Variants in ASH1L observed in about 807,000 individuals in gnomAD.
ASH1L encodes histone-lysine N-methyltransferase ASH1L.
In ASH1L, 23 loss-of-function variants were observed where a neutral mutation model predicts 269.0. The observed-to-expected ratio is 0.09, with a 90% confidence interval of 0.06 to 0.12. The LOEUF (loss-of-function observed/expected upper bound fraction) is 0.12. Ranked by LOEUF, ASH1L falls within the 10% of genes least tolerant of loss-of-function variation. The pLI is 1.00. For synonymous variants in ASH1L, 1,187 were observed against 1,253.5 expected, an observed-to-expected ratio of 0.95 and a Z score of 1.12; for missense variants, 2,912 against 3,567.8, an observed-to-expected ratio of 0.82 and a Z score of 4.68.
intron 7 of ASH1L, among the ~76,000 whole-genome samples, chr1:155,392,166 T>C (rs913774312): frequency 6.6e-6 from 1 of 152,132 alleles, no homozygotes; most frequent in Non-Finnish European, 1.5e-5. Flanking sequence ...AGGGGGTCAG[T>C]TACCTAGATA....
Position 155,499,121 on chromosome 1 carries a change from C to G in ASH1L, c.421-16672G>C, listed in dbSNP as rs192672584. Among the ~76,000 whole-genome samples the G allele has an allele frequency of 5.5e-4, 83 of 152,102 alleles. 1 individual carries two copies. Among genetic ancestry groups the G allele is most frequent in the African/African-American group, 2.0e-3 (82 of 41,492 alleles). On this transcript the variant is annotated intron_variant, in intron 2 of 27. Transcript: ENST00000392403. Reference sequence around the variant, plus strand: ...CCCAAATTCTATCCTCATTATATGGCCCTCATAGGATCAAGAGTAAGCCAA... The same window carrying G: ...CCCAAATTCTATCCTCATTATATGGGCCTCATAGGATCAAGAGTAAGCCAA...
At chr1:155,465,594 A>G (rs2148687746) in intron 3 of ASH1L, among the ~76,000 whole-genome samples, 1 of 152,328 alleles carries the variant, frequency 6.6e-6, no homozygotes, top group East Asian at 1.9e-4. Context: ...TTTTAAAATA[A>G]TTTACTTTAA....
At chr1:155,461,308 G>C (rs1314374825) in intron 3 of ASH1L, among the ~76,000 whole-genome samples, 1 of 152,150 alleles carries the variant, frequency 6.6e-6, no homozygotes, top group Non-Finnish European at 1.5e-5. Context: ...GCTGTAAATA[G>C]TCTTTTAGCA....
At chr1:155,404,219 G>A (rs1196446199) in intron 6 of ASH1L, among the ~76,000 whole-genome samples, 1 of 152,008 alleles carries the variant, frequency 6.6e-6, no homozygotes, top group Non-Finnish European at 1.5e-5. Flanking sequence ...GTCCAGTGTG[G>A]TGGCATGTAC....
chr1:155,476,334 C>A (rs560102683), intron 3 of ASH1L, among the ~76,000 whole-genome samples: 1 of 151,514 alleles, frequency 6.6e-6, no homozygotes, highest in African/African-American at 2.4e-5. Flanking sequence ...TGCAGTGAGC[C>A]GAGATTGCAC....
chr1:155,546,573 AC>A (rs961705029), intron 1 of ASH1L, among the ~76,000 whole-genome samples: 1 of 152,070 alleles, frequency 6.6e-6, no homozygotes, highest in African/African-American at 2.4e-5. Context: ...ATCCTGGCCA[AC>A]ACGGTGAAAC....
intron 6 of ASH1L, among the ~76,000 whole-genome samples, chr1:155,396,666 T>C (rs1358788060): frequency 6.6e-6 from 1 of 151,754 alleles, no homozygotes; most frequent in South Asian, 2.1e-4. Context: ...AACGAAATTA[T>C]AACATACTGA....
chr1:155,511,245 C>T (rs1187915522), intron 2 of ASH1L, among the ~76,000 whole-genome samples: 2 of 152,138 alleles, frequency 1.3e-5, no homozygotes, highest in African/African-American at 4.8e-5. Flanking sequence ...AAAGTTTATG[C>T]AAAGAAACAT....
intron 4 of ASH1L, 116 bp downstream of exon 4, chr1:155,459,681 T>C: frequency 1.3e-6 from 1 of 790,766 alleles, no homozygotes; most frequent in Non-Finnish European, 2.0e-6. Context: ...AATGGAAAAA[T>C]AAAATACCAT....
chr1:155,397,089 T>G (rs1239587396), intron 6 of ASH1L: 1 of 141,060 alleles, frequency 7.1e-6, no homozygotes. Context: ...GATAGCACAC[T>G]GCACTCCAGC....
intron 1 of ASH1L, among the ~76,000 whole-genome samples, chr1:155,542,597 A>G (rs541028406): frequency 1.3e-5 from 2 of 152,150 alleles, no homozygotes; most frequent in African/African-American, 2.4e-5. Flanking sequence ...CAGCCTGTCA[A>G]CTGAAGGCCA....
rs573910023 is a variant in ASH1L at position 155,534,046 on chromosome 1, T to C, written c.-99-12428A>G. ...GCTTTCTTTCCTTTAAATTTTTTTA[T>C]TATTATTTTTATTTATTTATTTATT... is the stretch of plus-strand genomic sequence containing the variant. On this transcript the variant is annotated intron_variant, in intron 1 of 27. Coordinates refer to ENST00000392403, the MANE Select transcript of ASH1L (RefSeq NM_018489.3). Among the ~76,000 whole-genome samples the C allele has an allele frequency of 2.0e-5, 3 of 151,546 alleles. No homozygotes were observed. In the South Asian group the frequency reaches 6.2e-4, roughly 31 times the overall value.
chr1:155,546,590 TCTACTGAAAATACAAAAATTAG>T (rs1262359583), intron 1 of ASH1L, among the ~76,000 whole-genome samples: 1 of 151,674 alleles, frequency 6.6e-6, no homozygotes, highest in Admixed American at 6.6e-5. Context: ...GAAACCAGTC[TCTACTGAAAATACAAAAATTAG>T]CTGGGCATGC....
chr1:155,484,707 T>C (rs1216122824), intron 2 of ASH1L, among the ~76,000 whole-genome samples: 1 of 150,828 alleles, frequency 6.6e-6, no homozygotes, highest in African/African-American at 2.4e-5. Flanking sequence ...GGTGGGCAGA[T>C]CACCTGAGGT....
rs1656368210 is a variant in ASH1L, at chr1:155,375,651, G to A, written c.6332+2630C>T. Among the ~76,000 whole-genome samples, 3 of 152,100 alleles carry A rather than the reference G, an allele frequency of 2.0e-5. No individual in the cohort carries two copies. In the South Asian group the frequency reaches 6.2e-4, roughly 32 times the overall value. Reference sequence around the variant, plus strand: ...AAAATACAAAAATTATTAGCCGGGTGCAGTGGCAGGTGCCTGTAAATCCCA... The same window carrying A: ...AAAATACAAAAATTATTAGCCGGGTACAGTGGCAGGTGCCTGTAAATCCCA... On this transcript the variant is annotated intron_variant, in intron 10 of 27. Coordinates refer to ENST00000392403, the MANE Select transcript of ASH1L (RefSeq NM_018489.3).
intron 5 of ASH1L, among the ~76,000 whole-genome samples, chr1:155,417,592 G>A (rs1660319551): frequency 6.6e-6 from 1 of 152,180 alleles, no homozygotes; most frequent in African/African-American, 2.4e-5. Flanking sequence ...TTCAACAATA[G>A]GGGACATTAA....
rs543908065 is a variant in ASH1L, at chr1:155,337,769, G to C, written c.8804-18C>G. 1 of 1,609,550 alleles carries C rather than the reference G, an allele frequency of 6.2e-7. No homozygotes were observed. The highest frequency in any genetic ancestry group is 1.1e-5 in the South Asian group (1 of 90,952). ...ATCAATGGCTGAAAACAGAACCAAG[G>C]AGGCTCATCAAAATACCAATCTCCT... On this transcript the variant is annotated intron_variant, in intron 27 of 27. Coordinates refer to ENST00000392403, the MANE Select transcript of ASH1L (RefSeq NM_018489.3).
intron 3 of ASH1L, among the ~76,000 whole-genome samples, chr1:155,468,082 A>G (rs1299883966): frequency 2.6e-5 from 4 of 152,036 alleles, no homozygotes; most frequent in South Asian, 4.1e-4. Flanking sequence ...TTCACTGTCA[A>G]TCTGGGATAT....
At chr1:155,371,057 A>G (rs1655902337) in intron 10 of ASH1L, 74 bp from the exon 11 acceptor site, 8 of 1,286,954 alleles carry the variant, frequency 6.2e-6, no homozygotes, top group Non-Finnish European at 2.2e-6. Context: ...TAAATTTTAC[A>G]AACATTTAAA....
Sources: allele counts gnomAD v4.1 joint callset (sites outside exome capture counted in the v4.1 genomes callset), GRCh38; gene constraint gnomAD v4.1.1; transcripts MANE v1.5; gene names NCBI Gene and HGNC (gene_info 2026-07-23, HGNC 2026-07-21).